Variants in DRAM1 observed in about 807,000 individuals in gnomAD.
The protein encoded by DRAM1 is DNA damage regulated autophagy modulator 1.
DRAM1 carries 25 observed loss-of-function variants against 28.5 expected under a neutral mutation model. That is an observed-to-expected ratio of 0.88 (90% CI 0.64 to 1.23). DRAM1 has a LOEUF of 1.23. DRAM1 is among the 50% of genes most tolerant of loss of function. DRAM1 has a pLI of 0.00. For synonymous variants in DRAM1, 113 were observed against 114.2 expected (o/e 0.99, Z 0.07); for missense variants, 249 against 299.2 (o/e 0.83, Z 1.24).
intron 1 of DRAM1, chr12:101,890,218 A>G: frequency 2.8e-6 from 1 of 353,974 alleles, no homozygotes; most frequent in Non-Finnish European, 5.4e-6. Flanking sequence ...AGCTGGGATT[A>G]CAGGTATGTG....
At chr12:101,892,622 C>T (rs1167005471) in intron 1 of DRAM1, among the ~76,000 whole-genome samples, 1 of 152,052 alleles carries the variant, frequency 6.6e-6, no homozygotes, top group African/African-American at 2.4e-5. Context: ...GAAACGTTCA[C>T]ATTTTCATTT....
intron 3 of DRAM1, among the ~76,000 whole-genome samples, chr12:101,907,357 C>T (rs1873859270): frequency 6.6e-6 from 1 of 151,814 alleles, no homozygotes; most frequent in African/African-American, 2.4e-5. Flanking sequence ...ACCCTTGGCA[C>T]CATCATGGAA....
Position 101,877,673 on chromosome 12 carries a change from C to G in DRAM1, c.-117C>G, listed in dbSNP as rs1023112836. The G allele has an allele frequency of 1.4e-6, 1 of 729,666 alleles. No individual in the cohort carries two copies. Among genetic ancestry groups the G allele is most frequent in the Non-Finnish European group, 1.9e-6 (1 of 539,946 alleles). The allele number at this position is 729,666 out of a possible 1,614,324, so 45.2% of individuals were successfully genotyped here. On this transcript the variant is annotated 5_prime_UTR_variant, in exon 1 of 7. Coordinates refer to ENST00000258534, the MANE Select transcript of DRAM1 (RefSeq NM_018370.3). The surrounding 1 kb of genome is among the most constrained non-coding windows in gnomAD (Gnocchi z 4.1). ...TGGGCCTGCCCCGGCCGTCGCGGAG[C>G]CTCCCCTCCCACCGTCCGTGAGTGT... is the stretch of plus-strand genomic sequence containing the variant.
intron 1 of DRAM1, among the ~76,000 whole-genome samples, chr12:101,886,082 T>C (rs1364897117): frequency 6.6e-6 from 1 of 152,226 alleles, no homozygotes; most frequent in East Asian, 1.9e-4. Flanking sequence ...CAGCACCTCA[T>C]TGTTCATTGA....
intron 1 of DRAM1, among the ~76,000 whole-genome samples, chr12:101,886,408 C>G (rs762387485): frequency 1.3e-5 from 2 of 152,156 alleles, no homozygotes; most frequent in African/African-American, 4.8e-5. Context: ...CTCATTAACA[C>G]CCTGGTGGAG....
chr12:101,878,257 T>C (rs1008814037), intron 1 of DRAM1, among the ~76,000 whole-genome samples: 1 of 152,138 alleles, frequency 6.6e-6, no homozygotes, highest in Non-Finnish European at 1.5e-5. Context: ...ATAGATGACA[T>C]ATATTATACA....
intron 5 of DRAM1, among the ~76,000 whole-genome samples, chr12:101,917,469 CT>C (rs1053058346): frequency 1.1e-4 from 17 of 152,052 alleles, no homozygotes; most frequent in African/African-American, 3.9e-4. Flanking sequence ...GGGTGGATCA[CT>C]TGAGGCTAGA....
intron 1 of DRAM1, among the ~76,000 whole-genome samples, chr12:101,892,402 A>ATTTTTTTT (rs748326902): frequency 9.9e-4 from 82 of 82,626 alleles, no homozygotes; most frequent in Non-Finnish European, 1.3e-3. Flanking sequence ...TGCCAGGCTA[A>ATTTTTTTT]TTTTTTTTTT....
At chr12:101,900,166 G>A (rs1194539004) in intron 2 of DRAM1, among the ~76,000 whole-genome samples, 1 of 152,094 alleles carries the variant, frequency 6.6e-6, no homozygotes, top group African/African-American at 2.4e-5. Flanking sequence ...AATGGTATTT[G>A]GTTAATTGAC....
In DRAM1 at chr12:101,877,622, C is replaced by T. The variant is rs1872528697; in HGVS notation, c.-168C>T. On this transcript the variant is annotated 5_prime_UTR_variant, in exon 1 of 7. Coordinates refer to ENST00000258534, the MANE Select transcript of DRAM1 (RefSeq NM_018370.3). The surrounding 1 kb of genome is among the most constrained non-coding windows in gnomAD (Gnocchi z 4.1). The stretch of plus-strand genomic sequence containing the variant: ...TCGCCGCCCGCAGCCTCGCTCCGCT[C>T]CTCGCGCTTCCCCTCCCTCCGGGGC... 2.6e-6 allele frequency: 1 copy of T among 380,552 alleles called. No individual in the cohort carries two copies. The highest frequency in any genetic ancestry group is 4.3e-6 in the Non-Finnish European group (1 of 231,380). The allele number at this position is 380,552 out of a possible 1,614,324, so 23.6% of individuals were successfully genotyped here. A position where few individuals can be genotyped will look rare whatever the true frequency, so the allele number is the denominator to read the frequency against.
chr12:101,903,836 G>A (rs74746120), intron 3 of DRAM1, among the ~76,000 whole-genome samples: 6,741 of 151,734 alleles, frequency 0.044, 274 homozygotes, highest in African/African-American at 0.11. Flanking sequence ...AGCCAAGGCA[G>A]GAGGAATGCT....
intron 3 of DRAM1, among the ~76,000 whole-genome samples, chr12:101,906,581 T>C (rs1364407689): frequency 6.6e-6 from 1 of 151,942 alleles, no homozygotes; most frequent in Non-Finnish European, 1.5e-5. Flanking sequence ...AGGCTGGGTG[T>C]GGTGGCTCAT....
chr12:101,901,668 C>T (rs1421678919), intron 3 of DRAM1: 5 of 460,346 alleles, frequency 1.1e-5, no homozygotes, highest in Non-Finnish European at 1.9e-5. Context: ...GATCATGAGA[C>T]CAGGAGTTCA....
At chr12:101,906,106 T>C (rs1361103948) in intron 3 of DRAM1, among the ~76,000 whole-genome samples, 1 of 152,128 alleles carries the variant, frequency 6.6e-6, no homozygotes, top group East Asian at 1.9e-4. Flanking sequence ...GTATCTTAGG[T>C]ATACAGAAAC....
chr12:101,889,520 G>GAAGGAAGGA (rs1873021371), intron 1 of DRAM1, among the ~76,000 whole-genome samples: 1 of 149,640 alleles, frequency 6.7e-6, no homozygotes, highest in Non-Finnish European at 1.5e-5. Context: ...GGAAGGAAAG[G>GAAGGAAGGA]AAGGAAGGAA....
At chr12:101,908,596 A>G (rs1306403209) in intron 4 of DRAM1, among the ~76,000 whole-genome samples, 2 of 152,258 alleles carry the variant, frequency 1.3e-5, no homozygotes, top group East Asian at 3.9e-4. Flanking sequence ...ATGAGGGGGA[A>G]TTCTGGCCAA....
chr12:101,878,631 T>TGA (rs1271186872), intron 1 of DRAM1, among the ~76,000 whole-genome samples: 16 of 152,244 alleles, frequency 1.1e-4, no homozygotes, highest in African/African-American at 3.9e-4. Flanking sequence ...TCTACCTTCC[T>TGA]GAGGGGCACT....
At chr12:101,906,734 A>G (rs901930750) in intron 3 of DRAM1, among the ~76,000 whole-genome samples, 1 of 151,978 alleles carries the variant, frequency 6.6e-6, no homozygotes, top group Non-Finnish European at 1.5e-5. Context: ...GCATGCCTGT[A>G]ATCCCAACTA....
chr12:101,891,137 T>C (rs901144198), intron 1 of DRAM1, among the ~76,000 whole-genome samples: 1 of 152,236 alleles, frequency 6.6e-6, no homozygotes, highest in African/African-American at 2.4e-5. Context: ...AAATGTAGTA[T>C]GACTTTTTAT....
Sources: gnomAD v4.1 joint callset for allele counts (sites outside exome capture counted in the v4.1 genomes callset) on GRCh38, gnomAD v4.1.1 for gene constraint, Gnocchi (gnomAD v3.1) non-coding constraint, MANE v1.5 for transcripts, NCBI Gene and HGNC (gene_info 2026-07-23, HGNC 2026-07-21) for gene names.